The following MS4A6E variants were observed in gnomAD, a reference collection of about 807,000 sequenced individuals.
MS4A6E encodes the protein membrane spanning 4-domains A6E.
A neutral mutation model predicts 13.2 loss-of-function variants in MS4A6E; 8 were observed. That is an observed-to-expected ratio of 0.60 (90% CI 0.35 to 1.09). MS4A6E has a LOEUF of 1.09. Among genes scored for constraint, MS4A6E ranks in the 50% least tolerant of loss-of-function variants. The pLI is 0.02. For synonymous variants in MS4A6E, 72 were observed against 67.6 expected, an observed-to-expected ratio of 1.06 and a Z score of -0.32; for missense variants, 177 against 171.1, an observed-to-expected ratio of 1.03 and a Z score of -0.19.
rs1028324857 is a variant in MS4A6E at position 60,337,905 on chromosome 11, A to G, written c.312A>G (p.Ser104=). 4.8e-5 allele frequency: 77 copies of G among 1,614,106 alleles called. No individual in the cohort carries two copies. Among genetic ancestry groups the G allele is most frequent in the Non-Finnish European group, 6.5e-5 (77 of 1,180,060 alleles). ...TTCTTCTTTCTTATGATTATCATTC[A>G]CCTTACACCATGGACTGCCATAGAG... is the stretch of plus-strand genomic sequence containing the variant. The part of the protein sequence containing the change: ...TRLLLSYDYH[S]PYTMDCHRAK... Residue 104 remains serine, a synonymous_variant, in exon 3 of 5, where the codon TCA becomes TCG. Transcript: ENST00000684409.
At chr11:60,335,127 A>G in intron 2 of MS4A6E, 85 bp downstream of exon 2, 2 of 1,553,392 alleles carry the variant, frequency 1.3e-6, no homozygotes, top group Non-Finnish European at 1.7e-6. Context: ...CATCCTTGTG[A>G]GTGTGGAGAC....
At chr11:60,337,972 T>C (rs2085200164) in intron 3 of MS4A6E, 25 bp downstream of exon 3, 1 of 1,594,806 alleles carries the variant, frequency 6.3e-7, no homozygotes. Flanking sequence ...GATGGGATGT[T>C]CTAATTTTAT....
intron 1 of MS4A6E, chr11:60,334,681 T>A (rs1028345996): frequency 7.9e-5 from 44 of 555,314 alleles, no homozygotes; most frequent in African/African-American, 7.9e-4. Context: ...GTTTATTATC[T>A]ATAATGGACT....
intron 3 of MS4A6E, 79 bp from the exon 4 acceptor site, chr11:60,339,787 C>A: frequency 1.6e-6 from 2 of 1,245,188 alleles, no homozygotes; most frequent in South Asian, 1.2e-5. Flanking sequence ...TGGTCTTCAT[C>A]TCTATGGTCA....
At chr11:60,335,087 G>A (rs752287380) in intron 2 of MS4A6E, 45 bp downstream of exon 2, 8 of 1,606,532 alleles carry the variant, frequency 5.0e-6, no homozygotes, top group Non-Finnish European at 6.8e-6. Context: ...AGGGGAAGTG[G>A]GAAGAGATGA....
downstream of MS4A6E, among the ~76,000 whole-genome samples, chr11:60,345,383 C>G (rs1463447392): frequency 2.0e-5 from 3 of 152,156 alleles, no homozygotes; most frequent in African/African-American, 7.2e-5. Flanking sequence ...CTTGTAAGAG[C>G]TATCAGTTCA....
intron 4 of MS4A6E, among the ~76,000 whole-genome samples, chr11:60,347,137 G>GT (rs1326867135): frequency 6.6e-6 from 1 of 152,174 alleles, no homozygotes; most frequent in Non-Finnish European, 1.5e-5. Flanking sequence ...GGCATGGTTA[G>GT]TGGGGGTCCC....
intron 3 of MS4A6E, chr11:60,338,563 G>A (rs1281385620): frequency 2.0e-5 from 3 of 152,274 alleles, no homozygotes; most frequent in Non-Finnish European, 4.4e-5. Flanking sequence ...GGGAGATGGA[G>A]AGTGTAACTG....
At chr11:60,334,517 A>G (rs2085176278) in intron 1 of MS4A6E, among the ~76,000 whole-genome samples, 1 of 152,216 alleles carries the variant, frequency 6.6e-6, no homozygotes, top group Non-Finnish European at 1.5e-5. Flanking sequence ...ATTAGAGTGC[A>G]TTTGTCTAAA....
At chr11:60,340,643 G>T (rs572929327) in intron 4 of MS4A6E, 133 bp from the exon 5 acceptor site, 1 of 153,116 alleles carries the variant, frequency 6.5e-6, no homozygotes, top group Non-Finnish European at 1.5e-5. Flanking sequence ...TGCTCTACTT[G>T]TCTTGGATTA....
At position 60,337,894 on chromosome 11, in the gene MS4A6E, G is replaced by C. The variant is rs2135061609; in HGVS notation, c.301G>C (p.Asp101His). The C allele has an allele frequency of 6.2e-7, 1 of 1,614,178 alleles. No homozygotes were observed. The highest frequency in any genetic ancestry group is 1.3e-5 in the African/African-American group (1 of 75,030). Residue 101 changes from aspartate to histidine, a missense_variant, in exon 3 of 5, where the codon GAT becomes CAT. Physicochemically the swap from Asp to His is moderately conservative, Grantham distance 81. Coordinates refer to ENST00000684409, the MANE Select transcript of MS4A6E (RefSeq NM_139249.4). ...ACCAACCAGACTTCTTCTTTCTTAT[G>C]ATTATCATTCACCTTACACCATGGA... Reference protein sequence around the residue: ...DIPTRLLLSYDYHSPYTMDCH... With the variant: ...DIPTRLLLSYHYHSPYTMDCH...
downstream of MS4A6E, among the ~76,000 whole-genome samples, chr11:60,345,505 G>T (rs1190662586): frequency 6.6e-6 from 1 of 152,140 alleles, no homozygotes; most frequent in Non-Finnish European, 1.5e-5. Flanking sequence ...TGTGAAGAGG[G>T]TCTAGTCTGG....
chr11:60,342,189 GAGAGAGAGAGA>G (rs1404590742), downstream of MS4A6E, among the ~76,000 whole-genome samples: 133 of 83,180 alleles, frequency 1.6e-3, 5 homozygotes, highest in African/African-American at 7.8e-3. Flanking sequence ...GAGAGAGAGA[GAGAGAGAGAGA>G]GGGGGGGGGA....
intron 2 of MS4A6E, chr11:60,335,517 T>A (rs978136384): frequency 8.8e-6 from 4 of 452,934 alleles, no homozygotes; most frequent in Non-Finnish European, 1.8e-5. Context: ...TGTCTGTTTC[T>A]CCTCTCATCC....
At chr11:60,332,677 C>A (rs968673228) in intron 1 of MS4A6E, among the ~76,000 whole-genome samples, 11 of 152,174 alleles carry the variant, frequency 7.2e-5, no homozygotes, top group African/African-American at 2.7e-4. Context: ...ATTCAGAGAA[C>A]CATCAACCTT....
At chr11:60,342,202 G>A (rs76214928), downstream of MS4A6E, among the ~76,000 whole-genome samples, 1,542 of 95,350 alleles carry the variant, frequency 0.016, 46 homozygotes, top group African/African-American at 0.073. Context: ...AGAGAGAGAG[G>A]GGGGGGGAGA....
At chr11:60,334,181 C>T (rs2085174203) in intron 1 of MS4A6E, among the ~76,000 whole-genome samples, 1 of 152,160 alleles carries the variant, frequency 6.6e-6, no homozygotes, top group African/African-American at 2.4e-5. Context: ...AAGGCAAGCA[C>T]CCTGTTTCAG....
chr11:60,340,249 A>G (rs192389983), intron 4 of MS4A6E, among the ~76,000 whole-genome samples: 1 of 152,280 alleles, frequency 6.6e-6, no homozygotes, highest in East Asian at 1.9e-4. Flanking sequence ...AAGTTAAATG[A>G]CTGGGCTGGC....
Position 60,339,916 on chromosome 11 carries a change from T to G in MS4A6E, c.405T>G (p.Ala135=). The change falls in exon 4 of 5, where the codon GCT becomes GCG. Residue 135 remains alanine (A), a synonymous_variant. Transcript: ENST00000684409. ...CTACTGTGTTGGAGTTCTGCCTAGC[T>G]GTGCTCACTGCTGTGCTGCAGTGGA... is the stretch of plus-strand genomic sequence containing the variant. ...LVSTVLEFCL[A]VLTAVLQWKQ... is the part of the protein sequence containing the mutation. 1.2e-6 allele frequency: 2 copies of G among 1,613,912 alleles called. No homozygotes were observed. The highest frequency in any genetic ancestry group is 1.7e-6 in the Non-Finnish European group (2 of 1,179,814).
Sources: allele counts gnomAD v4.1 joint callset (sites outside exome capture counted in the v4.1 genomes callset), GRCh38; gene constraint gnomAD v4.1.1; transcripts MANE v1.5; gene names NCBI Gene and HGNC (gene_info 2026-07-23, HGNC 2026-07-21).